The following LYPD6 variants were observed in gnomAD, a reference collection of about 807,000 sequenced individuals.
The protein encoded by LYPD6 is LY6/PLAUR domain containing 6.
Under a neutral mutation model 22.7 loss-of-function variants are expected in LYPD6, and 15 were observed. The observed-to-expected ratio is 0.66, with a 90% CI of 0.44 to 1.02. The LOEUF is 1.02. Among genes scored for constraint, LYPD6 ranks in the 50% least tolerant of loss-of-function variants. The pLI is 0.00. For synonymous variants in LYPD6, 72 were observed against 77.5 expected (o/e 0.93, Z 0.37); for missense variants, 189 against 208.4 (o/e 0.91, Z 0.57).
Position 149,441,176 on chromosome 2 carries a change from T to C in LYPD6, c.118+3350T>C, listed in dbSNP as rs190009869. 1.2e-4 allele frequency among the ~76,000 whole-genome samples: 18 copies of C among 152,320 alleles called. No individual in the cohort carries two copies. The East Asian group carries it at 1.3e-3, about 11-fold the overall frequency. On this transcript the variant is annotated intron_variant, in intron 2 of 4. Coordinates refer to ENST00000334166, the MANE Select transcript of LYPD6 (RefSeq NM_194317.5). ...CAAATAAGCAGGTATCTGTTGAACA[T>C]AGACCGTAAAAAATATATGAGGGAA...
At chr2:149,409,361 A>G (rs1372973114) in intron 1 of LYPD6, among the ~76,000 whole-genome samples, 7 of 152,054 alleles carry the variant, frequency 4.6e-5, no homozygotes, top group Admixed American at 3.9e-4. Flanking sequence ...TGTTTAGAGC[A>G]CTGATTTTGT....
the LYPD6 span, among the ~76,000 whole-genome samples, chr2:149,481,089 A>G: frequency 6.6e-6 from 1 of 152,218 alleles, no homozygotes; most frequent in East Asian, 1.9e-4. Context: ...CCTCCTTCTC[A>G]AGAGTCCTGA....
At chr2:149,477,733 T>C (rs1467011738), downstream of LYPD6, among the ~76,000 whole-genome samples, 2 of 151,938 alleles carry the variant, frequency 1.3e-5, no homozygotes, top group Non-Finnish European at 2.9e-5. Context: ...TCTGAGGATC[T>C]TGAAAACAAC....
chr2:149,437,848 C>T lies in LYPD6; in HGVS notation c.118+22C>T, dbSNP rs201375622. ...TCAAGTAAGACTGTTCTCTTTGCTG[C>T]AGAAATATCACTTTATTTCAAATAA... On this transcript the variant is annotated intron_variant, in intron 2 of 4. Coordinates refer to ENST00000334166, the MANE Select transcript of LYPD6 (RefSeq NM_194317.5). The T allele has an allele frequency of 2.5e-6, 4 of 1,611,846 alleles. No individual in the cohort carries two copies. The South Asian group carries it at 3.3e-5, about 13-fold the overall frequency.
chr2:149,407,986 G>T, intron 1 of LYPD6, among the ~76,000 whole-genome samples: 1 of 152,194 alleles, frequency 6.6e-6, no homozygotes, highest in East Asian at 1.9e-4. Context: ...GTTGGAGTTT[G>T]CTAGAGGTCC....
chr2:149,458,687 C>A (rs1307212209), intron 3 of LYPD6, among the ~76,000 whole-genome samples: 2 of 151,916 alleles, frequency 1.3e-5, no homozygotes, highest in Non-Finnish European at 2.9e-5. Flanking sequence ...TAAGTAATAA[C>A]AAACACACTT....
chr2:149,365,648 G>GA (rs1344142943), intron 1 of LYPD6, among the ~76,000 whole-genome samples: 1 of 151,576 alleles, frequency 6.6e-6, no homozygotes, highest in African/African-American at 2.4e-5. Flanking sequence ...CCTTCCCTAG[G>GA]AAAAAAATTT....
At chr2:149,442,495 G>A (rs755049507) in intron 2 of LYPD6, among the ~76,000 whole-genome samples, 2 of 152,024 alleles carry the variant, frequency 1.3e-5, no homozygotes, top group Non-Finnish European at 2.9e-5. Context: ...GAAATACAGA[G>A]TACTGAGCTT....
chr2:149,440,677 C>T (rs1033227561), intron 2 of LYPD6, among the ~76,000 whole-genome samples: 12 of 139,354 alleles, frequency 8.6e-5, no homozygotes, highest in Non-Finnish European at 1.5e-4. Context: ...GCCAGAACTT[C>T]GTTTATTCTG....
chr2:149,400,385 C>G (rs1166729458), intron 1 of LYPD6, among the ~76,000 whole-genome samples: 1 of 152,144 alleles, frequency 6.6e-6, no homozygotes, highest in Non-Finnish European at 1.5e-5. Context: ...AGACTGGTGA[C>G]TGTATGTGAG....
At chr2:149,482,605 C>T in the LYPD6 span, among the ~76,000 whole-genome samples, 2 of 152,172 alleles carry the variant, frequency 1.3e-5, 1 homozygote, top group Non-Finnish European at 2.9e-5. Context: ...TCTAGCCAGT[C>T]CCCTTTTATT....
chr2:149,395,739 A>G (rs1044859899), intron 1 of LYPD6, among the ~76,000 whole-genome samples: 3 of 152,146 alleles, frequency 2.0e-5, no homozygotes, highest in African/African-American at 7.2e-5. Context: ...GATTGTTTGG[A>G]ATGATGTTTG....
intron 1 of LYPD6, among the ~76,000 whole-genome samples, chr2:149,366,680 T>C (rs1031888222): frequency 6.6e-6 from 1 of 152,196 alleles, no homozygotes; most frequent in African/African-American, 2.4e-5. Flanking sequence ...ATTTTTTTAT[T>C]GAAGTCAAGC....
At chr2:149,479,045 C>T (rs1681482930), downstream of LYPD6, among the ~76,000 whole-genome samples, 1 of 152,116 alleles carries the variant, frequency 6.6e-6, no homozygotes, top group Non-Finnish European at 1.5e-5. Context: ...TATACCAGTC[C>T]AGTCTGTCCT....
rs556976075 is a variant in LYPD6 at position 149,468,655 on chromosome 2, C to T, written c.228C>T (p.Tyr76=). The T allele has an allele frequency of 1.4e-4, 221 of 1,613,162 alleles. No individual in the cohort carries two copies. The highest frequency in any genetic ancestry group is 1.8e-4 in the Non-Finnish European group (215 of 1,179,614). Reference sequence around the variant, plus strand: ...TTTCTCTGTTGACAGAGACCAGATACTGCTACACTCAGCACACAATGGAAG... The same window carrying T: ...TTTCTCTGTTGACAGAGACCAGATATTGCTACACTCAGCACACAATGGAAG... ...PDIYCPRETR[Y]CYTQHTMEVT... Residue 76 remains tyrosine (Y), a synonymous_variant, in exon 4 of 5, where the codon TAC becomes TAT. Transcript: ENST00000334166.
intron 1 of LYPD6, among the ~76,000 whole-genome samples, chr2:149,426,487 G>A (rs535998281): frequency 6.6e-6 from 1 of 152,240 alleles, no homozygotes; most frequent in South Asian, 2.1e-4. Context: ...CTAGCTACAA[G>A]GGCAGATGGT....
At chr2:149,354,192 G>T (rs1681409517) in intron 1 of LYPD6, among the ~76,000 whole-genome samples, 1 of 152,092 alleles carries the variant, frequency 6.6e-6, no homozygotes. Context: ...GGCCATTTTG[G>T]TGGCTTCCTT....
At chr2:149,373,838 C>A (rs562925146) in intron 1 of LYPD6, among the ~76,000 whole-genome samples, 1 of 152,140 alleles carries the variant, frequency 6.6e-6, no homozygotes, top group East Asian at 1.9e-4. Flanking sequence ...AAGCTTAATT[C>A]TATTATGTAA....
chr2:149,371,864 A>T (rs1485779930), intron 1 of LYPD6, among the ~76,000 whole-genome samples: 1 of 152,130 alleles, frequency 6.6e-6, no homozygotes, highest in Non-Finnish European at 1.5e-5. Flanking sequence ...TCCTGATTTT[A>T]GGCCTAGAAA....
Sources: gnomAD v4.1 joint callset for allele counts (sites outside exome capture counted in the v4.1 genomes callset) on GRCh38, gnomAD v4.1.1 for gene constraint, MANE v1.5 for transcripts, NCBI Gene and HGNC (gene_info 2026-07-23, HGNC 2026-07-21) for gene names.